EPHA5: variants seen among roughly 807,000 people sequenced by gnomAD.
The protein encoded by EPHA5 is EPH receptor A5, also known as ephrin type-A receptor 5.
EPHA5 carries 60 observed loss-of-function variants against 105.0 expected under a neutral mutation model. That is an observed-to-expected ratio of 0.57 (90% confidence interval 0.46 to 0.71). The LOEUF is 0.71. EPHA5 is among the 30% of genes least tolerant of loss of function. The pLI is 0.00. For missense variants in EPHA5, 1,218 were observed against 1,274.7 expected (o/e 0.96, Z 0.68); for synonymous variants, 513 against 449.1 (o/e 1.14, Z -1.80).
chr4:65,467,186 G>GA (rs1459783124), intron 5 of EPHA5, among the ~76,000 whole-genome samples: 1 of 151,930 alleles, frequency 6.6e-6, no homozygotes, highest in Non-Finnish European at 1.5e-5. Context: ...AATGAGCAAG[G>GA]AAAAAAGATA....
intron 3 of EPHA5, among the ~76,000 whole-genome samples, chr4:65,567,216 G>A (rs1385931320): frequency 6.6e-6 from 1 of 151,594 alleles, no homozygotes; most frequent in Non-Finnish European, 1.5e-5. Context: ...TCTATACAAT[G>A]CATAAGTCAG....
At chr4:65,333,577 G>C (rs1271302550) in intron 15 of EPHA5, among the ~76,000 whole-genome samples, 1 of 112,128 alleles carries the variant, frequency 8.9e-6, no homozygotes, top group East Asian at 2.7e-4. Flanking sequence ...GTGTGTGTGT[G>C]TGCTGGATTC....
intron 5 of EPHA5, among the ~76,000 whole-genome samples, chr4:65,454,841 C>T (rs1280264340): frequency 6.6e-6 from 1 of 152,158 alleles, no homozygotes; most frequent in Non-Finnish European, 1.5e-5. Flanking sequence ...TTATGAATAG[C>T]CTTTTGGGAA....
chr4:65,368,845 T>C (rs1022546570), intron 8 of EPHA5, among the ~76,000 whole-genome samples: 1 of 152,182 alleles, frequency 6.6e-6, no homozygotes, highest in Non-Finnish European at 1.5e-5. Flanking sequence ...TCTCCATGCT[T>C]CCATAGGTTT....
intron 3 of EPHA5, among the ~76,000 whole-genome samples, chr4:65,554,852 C>G (rs1032122947): frequency 5.3e-5 from 8 of 151,444 alleles, no homozygotes; most frequent in African/African-American, 1.9e-4. Flanking sequence ...GATAAACATC[C>G]TTGGTACTCA....
At chr4:65,487,691 C>G (rs1327906186) in intron 5 of EPHA5, among the ~76,000 whole-genome samples, 2 of 152,098 alleles carry the variant, frequency 1.3e-5, no homozygotes, top group Non-Finnish European at 2.9e-5. Flanking sequence ...ATCCCTGACC[C>G]AACCAATCAG....
At chr4:65,516,685 A>G (rs1734137394) in intron 3 of EPHA5, among the ~76,000 whole-genome samples, 1 of 152,116 alleles carries the variant, frequency 6.6e-6, no homozygotes, top group African/African-American at 2.4e-5. Flanking sequence ...TTTTGCATAT[A>G]TATTCTATAA....
chr4:65,499,453 A>G (rs993105235), intron 3 of EPHA5, among the ~76,000 whole-genome samples: 1 of 151,710 alleles, frequency 6.6e-6, no homozygotes, highest in Middle Eastern at 3.4e-3. Context: ...ATGATTTCTT[A>G]AATTATTTTC....
intron 3 of EPHA5, among the ~76,000 whole-genome samples, chr4:65,589,082 A>C (rs1472294296): frequency 2.0e-5 from 3 of 152,188 alleles, no homozygotes; most frequent in African/African-American, 7.2e-5. Context: ...ATCATAATCA[A>C]TATGTTTATT....
intron 3 of EPHA5, among the ~76,000 whole-genome samples, chr4:65,528,299 T>A (rs985212603): frequency 1.3e-5 from 2 of 152,100 alleles, no homozygotes; most frequent in Non-Finnish European, 2.9e-5. Context: ...CTAACAAATC[T>A]AAAATTAAAC....
At chr4:65,480,015 C>A (rs1018683048) in intron 5 of EPHA5, among the ~76,000 whole-genome samples, 1 of 151,610 alleles carries the variant, frequency 6.6e-6, no homozygotes, top group South Asian at 2.1e-4. Context: ...TGGAAATGTG[C>A]CATGAATTGA....
At chr4:65,662,273 C>T (rs1202003393) in intron 1 of EPHA5, among the ~76,000 whole-genome samples, 2 of 152,048 alleles carry the variant, frequency 1.3e-5, no homozygotes, top group African/African-American at 4.8e-5. Context: ...AACATGTTTC[C>T]AAGTAGGAAC....
intron 16 of EPHA5, chr4:65,330,597 T>C: frequency 2.0e-6 from 1 of 488,580 alleles, no homozygotes; most frequent in Non-Finnish European, 2.7e-6. Context: ...ACAAGTAATC[T>C]GACATTGGGT....
intron 16 of EPHA5, among the ~76,000 whole-genome samples, chr4:65,327,120 C>T (rs918453369): frequency 7.3e-5 from 11 of 151,054 alleles, no homozygotes; most frequent in African/African-American, 2.2e-4. Flanking sequence ...CTCAATGTTT[C>T]GGTAGTTTAA....
intron 3 of EPHA5, among the ~76,000 whole-genome samples, chr4:65,586,673 T>C (rs1742156746): frequency 6.6e-6 from 1 of 151,972 alleles, no homozygotes; most frequent in Non-Finnish European, 1.5e-5. Flanking sequence ...AGCTAATATA[T>C]ATTTAAGCAT....
At chr4:65,595,590 T>A (rs960633032) in intron 3 of EPHA5, among the ~76,000 whole-genome samples, 31 of 151,464 alleles carry the variant, frequency 2.0e-4, no homozygotes, top group African/African-American at 6.3e-4. Flanking sequence ...GATTTTTTTT[T>A]TTTTTTTTGA....
rs147157330 is a variant in EPHA5 at position 65,587,459 on chromosome 4, G to A, written c.910+14182C>T. On this transcript the variant is annotated intron_variant, in intron 3 of 16. Coordinates refer to ENST00000613740, the MANE Select transcript of EPHA5 (RefSeq NM_001281766.3). The stretch of plus-strand genomic sequence containing the variant: ...CTATTTACAGGAGCAGACAAGTAAG[G>A]CAAAGCAGCTTATGTGTCCAAGAAT... 2.8e-3 allele frequency among the ~76,000 whole-genome samples: 422 copies of A among 152,154 alleles called. 1 individual carries two copies. The highest frequency in any genetic ancestry group is 9.2e-3 in the African/African-American group (383 of 41,528).
intron 5 of EPHA5, among the ~76,000 whole-genome samples, chr4:65,462,155 A>C (rs191815643): frequency 1.8e-4 from 27 of 152,270 alleles, no homozygotes; most frequent in Admixed American, 3.9e-4. Flanking sequence ...TCTTTTGAGC[A>C]CTAATGTGGT....
intron 8 of EPHA5, among the ~76,000 whole-genome samples, chr4:65,373,386 T>C (rs1196279391): frequency 6.6e-6 from 1 of 151,896 alleles, no homozygotes; most frequent in Non-Finnish European, 1.5e-5. Flanking sequence ...TCGTGCTGTA[T>C]AAAAGGGAAG....
Sources: allele counts gnomAD v4.1 joint callset (sites outside exome capture counted in the v4.1 genomes callset), GRCh38; gene constraint gnomAD v4.1.1; transcripts MANE v1.5; gene names NCBI Gene and HGNC (gene_info 2026-07-23, HGNC 2026-07-21).